AAMDC: variants seen among roughly 807,000 people sequenced by gnomAD.
AAMDC encodes mth938 domain-containing protein.
In AAMDC, 16 loss-of-function variants were observed where a neutral mutation model predicts 15.5. That is an observed-to-expected ratio of 1.03 (90% confidence interval 0.70 to 1.57). AAMDC has a LOEUF of 1.57. AAMDC is among the 40% of genes most tolerant of loss of function. The probability of loss-of-function intolerance (pLI) is 0.00; values close to 1 mark genes in which losing one functional copy is unlikely to be tolerated. For synonymous variants in AAMDC, 51 were observed against 51.6 expected, an observed-to-expected ratio of 0.99 and a Z score of 0.05; for missense variants, 141 against 144.9, an observed-to-expected ratio of 0.97 and a Z score of 0.14.
intron 1 of AAMDC, among the ~76,000 whole-genome samples, chr11:77,825,010 T>A (rs976686918): frequency 6.6e-6 from 1 of 152,184 alleles, no homozygotes; most frequent in Admixed American, 6.6e-5. Context: ...AGACAGAGTC[T>A]CACTCTATCA....
intron 1 of AAMDC, among the ~76,000 whole-genome samples, chr11:77,839,342 C>T (rs1949826989): frequency 6.6e-6 from 1 of 152,010 alleles, no homozygotes; most frequent in South Asian, 2.1e-4. Context: ...ACCAGGTCTC[C>T]CAATAGGAAT....
At chr11:77,902,870 C>T (rs1291557781), downstream of AAMDC, among the ~76,000 whole-genome samples, 1 of 152,108 alleles carries the variant, frequency 6.6e-6, no homozygotes, top group African/African-American at 2.4e-5. Context: ...GACCTTTTAA[C>T]GTTGAAGAGA....
At chr11:77,837,114 G>C (rs1298469343) in intron 1 of AAMDC, among the ~76,000 whole-genome samples, 1 of 152,078 alleles carries the variant, frequency 6.6e-6, no homozygotes, top group African/African-American at 2.4e-5. Flanking sequence ...GTTGTTTTTT[G>C]TTTGAGTTTT....
downstream of AAMDC, chr11:77,876,835 T>C: frequency 1.7e-6 from 1 of 599,766 alleles, no homozygotes; most frequent in Non-Finnish European, 3.0e-6. Context: ...GGAGGATTTT[T>C]ATAAAAGGGG....
chr11:77,887,353 C>T (rs1272125607), intron 5 of AAMDC, among the ~76,000 whole-genome samples: 1 of 152,138 alleles, frequency 6.6e-6, no homozygotes, highest in Admixed American at 6.6e-5. Flanking sequence ...GCAGAAAAGG[C>T]CTTTGACAAA....
chr11:77,872,867 C>G (rs1951492405), downstream of AAMDC, among the ~76,000 whole-genome samples: 1 of 152,216 alleles, frequency 6.6e-6, no homozygotes, highest in Non-Finnish European at 1.5e-5. Context: ...AGGAGGATCA[C>G]TTGAACCCAA....
chr11:77,849,645 G>T (rs908515181), intron 2 of AAMDC, among the ~76,000 whole-genome samples: 20 of 150,818 alleles, frequency 1.3e-4, no homozygotes, highest in Non-Finnish European at 2.8e-4. Flanking sequence ...TTTTTTGTGT[G>T]TTTTTTTTTA....
At chr11:77,821,977 A>C (rs1236253193) in intron 1 of AAMDC, among the ~76,000 whole-genome samples, 2 of 152,298 alleles carry the variant, frequency 1.3e-5, no homozygotes, top group Non-Finnish European at 2.9e-5. Flanking sequence ...AATCACAGTA[A>C]AGTGATTAGC....
intron 5 of AAMDC, chr11:77,878,941 T>C (rs1163590892): frequency 6.2e-7 from 1 of 1,611,954 alleles, no homozygotes. Flanking sequence ...GGGAAGACTG[T>C]TTTTGCCTTA....
chr11:77,886,686 T>C (rs1038319147), intron 5 of AAMDC, among the ~76,000 whole-genome samples: 1 of 152,142 alleles, frequency 6.6e-6, no homozygotes, highest in Non-Finnish European at 1.5e-5. Context: ...GAAGACCCTG[T>C]TGAGCTTGAC....
At chr11:77,877,142 G>A (rs979383345), downstream of AAMDC, 1 of 654,966 alleles carries the variant, frequency 1.5e-6, no homozygotes, top group African/African-American at 1.8e-5. Context: ...TAGACTGCCT[G>A]GAAATAGACT....
At chr11:77,849,008 G>A (rs1206687287) in intron 2 of AAMDC, among the ~76,000 whole-genome samples, 1 of 150,460 alleles carries the variant, frequency 6.6e-6, no homozygotes, top group East Asian at 1.9e-4. Flanking sequence ...GGTCAGGCTG[G>A]TCTCAAACTC....
chr11:77,893,944 A>G (rs1952395941), intron 5 of AAMDC, among the ~76,000 whole-genome samples: 1 of 142,536 alleles, frequency 7.0e-6, no homozygotes, highest in African/African-American at 2.6e-5. Flanking sequence ...GTGAACGAAC[A>G]GTGTTGAAAA....
chr11:77,873,946 A>G (rs1218674877), downstream of AAMDC, among the ~76,000 whole-genome samples: 3 of 152,174 alleles, frequency 2.0e-5, no homozygotes. Flanking sequence ...GCTTCACATG[A>G]TCCTGCCACC....
chr11:77,872,319 A>G lies in AAMDC; in HGVS notation c.*4A>G. 6.2e-7 allele frequency: 1 copy of G among 1,610,512 alleles called. No homozygotes were observed. The highest frequency in any genetic ancestry group is 8.5e-7 in the Non-Finnish European group (1 of 1,178,554). On this transcript the variant is annotated 3_prime_UTR_variant, in exon 4 of 4. Transcript: ENST00000393427. ...TGTCTTCCATTCCACCTGCTGATGGAGCCTTAAGAGGAGAATAAATCACTA... is the reference window on the plus strand; with the variant it reads ...TGTCTTCCATTCCACCTGCTGATGGGGCCTTAAGAGGAGAATAAATCACTA...
chr11:77,851,685 A>G (rs1174829307), intron 2 of AAMDC, among the ~76,000 whole-genome samples: 1 of 151,796 alleles, frequency 6.6e-6, no homozygotes, highest in Non-Finnish European at 1.5e-5. Flanking sequence ...ACCTCCCCCA[A>G]CCTTGCTCCT....
intron 5 of AAMDC, among the ~76,000 whole-genome samples, chr11:77,890,207 A>G (rs1420780601): frequency 6.6e-6 from 1 of 152,224 alleles, no homozygotes; most frequent in Non-Finnish European, 1.5e-5. Context: ...GCTAGCTCAG[A>G]ACTAGTTCTC....
intron 2 of AAMDC, among the ~76,000 whole-genome samples, chr11:77,862,325 C>T (rs1204797361): frequency 6.6e-6 from 1 of 152,222 alleles, no homozygotes; most frequent in Non-Finnish European, 1.5e-5. Context: ...TTAGCAGTAA[C>T]ATTATATCTC....
chr11:77,884,349 T>A (rs1000857068), intron 5 of AAMDC, among the ~76,000 whole-genome samples: 4 of 152,344 alleles, frequency 2.6e-5, no homozygotes, highest in Admixed American at 2.6e-4. Context: ...TGTAATTGCA[T>A]TCTTTCCACT....
Sources: gnomAD v4.1 joint callset for allele counts (sites outside exome capture counted in the v4.1 genomes callset) on GRCh38, gnomAD v4.1.1 for gene constraint, MANE v1.5 for transcripts, NCBI Gene and HGNC (gene_info 2026-07-23, HGNC 2026-07-21) for gene names.